The following HIVEP2 variants were observed in gnomAD, a reference collection of about 807,000 sequenced individuals.
HIVEP2 encodes the protein HIVEP zinc finger 2.
HIVEP2 carries 14 observed loss-of-function variants against 180.7 expected under a neutral mutation model. The ratio of observed to expected loss-of-function variants is 0.08; its 90% CI spans 0.05 to 0.12. HIVEP2 has a LOEUF of 0.12. HIVEP2 is among the 10% of genes least tolerant of loss of function. The pLI is 1.00. For missense variants in HIVEP2, 2,579 were observed against 3,008.5 expected, an observed-to-expected ratio of 0.86 and a Z score of 3.34; for synonymous variants, 1,184 against 1,136.4, an observed-to-expected ratio of 1.04 and a Z score of -0.84.
intron 2 of HIVEP2, among the ~76,000 whole-genome samples, chr6:142,796,494 G>A (rs1776281966): frequency 6.6e-6 from 1 of 152,042 alleles, no homozygotes; most frequent in African/African-American, 2.4e-5. Context: ...AAATCATAAG[G>A]AAGTGAAAAT....
intron 2 of HIVEP2, among the ~76,000 whole-genome samples, chr6:142,812,120 C>A (rs1776714532): frequency 6.6e-6 from 1 of 152,086 alleles, no homozygotes; most frequent in Non-Finnish European, 1.5e-5. Context: ...AGATGGAAGT[C>A]CAGGGAGCCG....
chr6:142,757,636 G>T (rs112213181), intron 9 of HIVEP2, among the ~76,000 whole-genome samples: 4,988 of 152,066 alleles, frequency 0.033, 109 homozygotes, highest in Middle Eastern at 0.11. Context: ...CCAGCCTGGC[G>T]ACAGAGCGAG....
At chr6:142,785,656 AGTTCT>A (rs1303080669) in intron 2 of HIVEP2, among the ~76,000 whole-genome samples, 1 of 152,192 alleles carries the variant, frequency 6.6e-6, no homozygotes, top group Non-Finnish European at 1.5e-5. Flanking sequence ...CAGCATTCCC[AGTTCT>A]GACTCCGTTT....
intron 1 of HIVEP2, among the ~76,000 whole-genome samples, chr6:142,895,556 T>C (rs1219388331): frequency 6.6e-6 from 1 of 152,208 alleles, no homozygotes; most frequent in Non-Finnish European, 1.5e-5. Context: ...AATCATAAGA[T>C]TTTCAGTCTG....
At chr6:142,896,189 C>T (rs1776987303) in intron 1 of HIVEP2, among the ~76,000 whole-genome samples, 1 of 152,148 alleles carries the variant, frequency 6.6e-6, no homozygotes, top group Non-Finnish European at 1.5e-5. Flanking sequence ...TCAATTGTGT[C>T]ACATCACCTA....
At chr6:142,820,339 C>T (rs1480678068) in intron 2 of HIVEP2, among the ~76,000 whole-genome samples, 2 of 144,236 alleles carry the variant, frequency 1.4e-5, no homozygotes, top group African/African-American at 5.5e-5. Context: ...TCACCACCTC[C>T]CCTCCCTCTC....
intron 1 of HIVEP2, among the ~76,000 whole-genome samples, chr6:142,851,377 T>A (rs1170808899): frequency 6.6e-6 from 1 of 152,240 alleles, no homozygotes; most frequent in South Asian, 2.1e-4. Flanking sequence ...TAGGCTGCTA[T>A]GATTTCCACA....
chr6:142,876,146 T>C (rs1776430129), intron 1 of HIVEP2, among the ~76,000 whole-genome samples: 1 of 152,028 alleles, frequency 6.6e-6, no homozygotes, highest in South Asian at 2.1e-4. Flanking sequence ...GTTCAAAACG[T>C]TGTAAAGAGT....
At chr6:142,764,692 C>A (rs1272593283) in intron 7 of HIVEP2, 107 bp downstream of exon 7, 19 of 855,024 alleles carry the variant, frequency 2.2e-5, no homozygotes, top group African/African-American at 3.5e-5. Flanking sequence ...CATATTTTCA[C>A]AAACAAACTA....
rs188024148 is a variant in HIVEP2 at position 142,943,393 on chromosome 6, G to A, written c.-641+1706C>T. Reference sequence around the variant, plus strand: ...ATCACCAAATATTACTATATCACTGGAGGAAACGTTTCTAATAAAGTTAAA... The same window carrying A: ...ATCACCAAATATTACTATATCACTGAAGGAAACGTTTCTAATAAAGTTAAA... On this transcript the variant is annotated intron_variant, in intron 1 of 9. Transcript: ENST00000367603. The surrounding 1 kb of genome is among the most constrained non-coding windows in gnomAD (Gnocchi z 4.5). 2.4e-3 allele frequency among the ~76,000 whole-genome samples: 362 copies of A among 152,276 alleles called. No individual in the cohort carries two copies. The highest frequency in any genetic ancestry group is 8.5e-3 in the African/African-American group (353 of 41,546).
intron 2 of HIVEP2, among the ~76,000 whole-genome samples, chr6:142,793,622 CTCTTTCTTTCTT>C (rs753217978): frequency 2.0e-5 from 1 of 50,296 alleles, no homozygotes; most frequent in African/African-American, 7.0e-5. Flanking sequence ...ATCCTTCCTT[CTCTTTCTTTCTT>C]TCTTTCTTTC....
chr6:142,934,533 A>G (rs139878999), intron 1 of HIVEP2, among the ~76,000 whole-genome samples: 1 of 152,360 alleles, frequency 6.6e-6, no homozygotes, highest in African/African-American at 2.4e-5. Context: ...CTCCCAACAT[A>G]AACTTTGACA....
rs72997038 is a variant in HIVEP2, at chr6:142,931,397, C to T, written c.-641+13702G>A. On this transcript the variant is annotated intron_variant, in intron 1 of 9. Coordinates refer to ENST00000367603, the MANE Select transcript of HIVEP2 (RefSeq NM_006734.4). ...TAATCAACAGAAAAATATAAATTGACGAAAAGGTTAATTTATACTAAAATG... is the reference window on the plus strand; with the variant it reads ...TAATCAACAGAAAAATATAAATTGATGAAAAGGTTAATTTATACTAAAATG... Among the ~76,000 whole-genome samples the T allele has an allele frequency of 4.6e-3, 702 of 151,776 alleles. 4 individuals are homozygous for T. The highest frequency in any genetic ancestry group is 6.6e-3 in the Non-Finnish European group (446 of 67,842).
intron 1 of HIVEP2, among the ~76,000 whole-genome samples, chr6:142,842,620 C>A (rs953846303): frequency 5.9e-5 from 9 of 152,178 alleles, no homozygotes; most frequent in African/African-American, 2.2e-4. Context: ...CCTGAAGAAC[C>A]ACGTAGAAAA....
At chr6:142,829,267 G>A (rs914657109) in intron 2 of HIVEP2, among the ~76,000 whole-genome samples, 3 of 151,422 alleles carry the variant, frequency 2.0e-5, no homozygotes, top group Non-Finnish European at 2.9e-5. Flanking sequence ...TCTCCTCTTC[G>A]CTTACCAATG....
upstream of HIVEP2, among the ~76,000 whole-genome samples, chr6:142,945,528 C>G (rs1778305832): frequency 6.6e-6 from 1 of 152,134 alleles, no homozygotes; most frequent in Admixed American, 6.5e-5. The surrounding 1 kb of genome is among the most constrained non-coding windows in gnomAD (Gnocchi z 5.5). Context: ...CCGCTCCGCT[C>G]TCGCGGTGGC....
intron 1 of HIVEP2, among the ~76,000 whole-genome samples, chr6:142,892,612 A>T (rs1263789928): frequency 2.0e-5 from 3 of 152,244 alleles, no homozygotes; most frequent in Non-Finnish European, 2.9e-5. Flanking sequence ...AAATGCTTAT[A>T]ATAGATAAAC....
Position 142,770,098 on chromosome 6 carries a change from G to A in HIVEP2, c.4641C>T (p.Ser1547=), listed in dbSNP as rs374345594. Residue 1547 remains serine (S), a synonymous_variant, in exon 5 of 10, where the codon TCC becomes TCT. Transcript: ENST00000367603. This position sits in a 1 kb window ranked among gnomAD's most constrained non-coding sequence, Gnocchi z 4.7. ...FLPSKEMLSG[S]RAPLPGQKSS... is the part of the protein sequence containing the mutation. The stretch of plus-strand genomic sequence containing the variant: ...ACTTCTGCCCCGGAAGTGGTGCCCG[G>A]GAACCGGAAAGCATCTCCTTGCTGG... 6.2e-7 allele frequency: 1 copy of A among 1,614,220 alleles called. No individual in the cohort carries two copies. Among genetic ancestry groups the A allele is most frequent in the South Asian group, 1.1e-5 (1 of 91,082 alleles).
At chr6:142,895,249 TA>T (rs1414760142) in intron 1 of HIVEP2, among the ~76,000 whole-genome samples, 1 of 152,194 alleles carries the variant, frequency 6.6e-6, no homozygotes, top group African/African-American at 2.4e-5. Context: ...TGATTCTATC[TA>T]GCATCCACTG....
Sources: allele counts gnomAD v4.1 joint callset (sites outside exome capture counted in the v4.1 genomes callset), GRCh38; gene constraint gnomAD v4.1.1; non-coding constraint Gnocchi (gnomAD v3.1); transcripts MANE v1.5; gene names NCBI Gene and HGNC (gene_info 2026-07-23, HGNC 2026-07-21).